The following ABCC3 variants were observed in gnomAD, a reference collection of about 807,000 sequenced individuals.
ABCC3 encodes ATP binding cassette subfamily C member 3, also known as ATP-binding cassette sub-family C member 3.
Under a neutral mutation model 165.3 loss-of-function variants are expected in ABCC3, and 121 were observed. That is an observed-to-expected ratio of 0.73 (90% CI 0.63 to 0.85). The LOEUF (loss-of-function observed/expected upper bound fraction) is 0.85, where lower values mean the gene tolerates loss of function less well. Ranked by LOEUF, ABCC3 falls within the 40% of genes least tolerant of loss-of-function variation. The pLI is 0.00. For missense variants in ABCC3, 1,869 were observed against 1,964.1 expected, an observed-to-expected ratio of 0.95 and a Z score of 0.92; for synonymous variants, 733 against 810.1, an observed-to-expected ratio of 0.90 and a Z score of 1.62.
intron 13 of ABCC3, 38 bp downstream of exon 13, chr17:50,668,047 G>T (rs908725115): frequency 2.5e-6 from 4 of 1,582,916 alleles, no homozygotes; most frequent in Non-Finnish European, 3.5e-6. Flanking sequence ...ACTGGAGTTG[G>T]AACAGGTTGT....
intron 7 of ABCC3, 134 bp from the exon 8 acceptor site, chr17:50,660,789 T>G: frequency 2.9e-6 from 2 of 689,596 alleles, no homozygotes; most frequent in Non-Finnish European, 2.4e-6. Flanking sequence ...ATGCTGTCTG[T>G]TCCCCTCCCA....
At chr17:50,680,160 T>C (rs1381519892) in intron 26 of ABCC3, among the ~76,000 whole-genome samples, 1 of 152,196 alleles carries the variant, frequency 6.6e-6, no homozygotes, top group African/African-American at 2.4e-5. Flanking sequence ...TTGCAGTGGA[T>C]GACCAGATCT....
chr17:50,687,378 C>T, intron 29 of ABCC3, 158 bp from the exon 30 acceptor site: 1 of 677,158 alleles, frequency 1.5e-6, no homozygotes, highest in Non-Finnish European at 2.5e-6. Context: ...GGTGTCCAGA[C>T]CTCTGCTCCG....
chr17:50,660,106 TCTC>T (rs1967343213), intron 7 of ABCC3, among the ~76,000 whole-genome samples: 1 of 151,972 alleles, frequency 6.6e-6, no homozygotes, highest in Non-Finnish European at 1.5e-5. Context: ...CCCCAGAGGT[TCTC>T]CTCATATCAC....
intron 10 of ABCC3, chr17:50,664,754 A>G (rs2146616562): frequency 5.7e-6 from 1 of 175,760 alleles, no homozygotes; most frequent in African/African-American, 2.4e-5. Context: ...TTCCCTAGGC[A>G]TTGGTGGGGA....
At chr17:50,643,999 G>A (rs1966941904) in intron 1 of ABCC3, among the ~76,000 whole-genome samples, 1 of 152,122 alleles carries the variant, frequency 6.6e-6, no homozygotes, top group South Asian at 2.1e-4. Flanking sequence ...AGGGCAGAGG[G>A]CTGCCCCAGA....
Position 50,675,983 on chromosome 17 carries a change from G to A in ABCC3, c.2960G>A (p.Gly987Glu), listed in dbSNP as rs899398665. Reference sequence around the variant, plus strand: ...GTGGGTCAAAGTGCGGCTGCCATTGGAGCCAATGTGTGGCTCAGTGCCTGG... The same window carrying A: ...GTGGGTCAAAGTGCGGCTGCCATTGAAGCCAATGTGTGGCTCAGTGCCTGG... ...LYVGQSAAAI[G>E]ANVWLSAWTN... is the part of the protein sequence containing the mutation. The change falls in exon 22 of 31, where the codon GGA becomes GAA. Residue 987 changes from glycine to glutamate, a missense_variant. Coordinates refer to ENST00000285238, the MANE Select transcript of ABCC3 (RefSeq NM_003786.4). 1.9e-6 allele frequency: 3 copies of A among 1,614,066 alleles called. No homozygotes were observed.
intron 1 of ABCC3, among the ~76,000 whole-genome samples, chr17:50,652,631 A>G (rs889893288): frequency 6.6e-6 from 1 of 152,040 alleles, no homozygotes; most frequent in Non-Finnish European, 1.5e-5. Context: ...AAGTTAACCC[A>G]TTTTTCCAAA....
intron 30 of ABCC3, among the ~76,000 whole-genome samples, chr17:50,689,127 A>G (rs1341967830): frequency 6.6e-6 from 1 of 152,214 alleles, no homozygotes; most frequent in Non-Finnish European, 1.5e-5. Context: ...ACTTGAACCC[A>G]GGAGGCAGAG....
intron 1 of ABCC3, among the ~76,000 whole-genome samples, chr17:50,644,129 G>A (rs1966948658): frequency 6.6e-6 from 1 of 151,628 alleles, no homozygotes; most frequent in African/African-American, 2.4e-5. Context: ...TGACCAACAC[G>A]GTGAAACCCC....
rs1967798620 is a variant in ABCC3 at position 50,676,107 on chromosome 17, G to A, written c.3067+17G>A. 13 of 1,613,832 alleles carry A rather than the reference G, an allele frequency of 8.1e-6. No individual in the cohort carries two copies. The highest frequency in any genetic ancestry group is 9.3e-6 in the Non-Finnish European group (11 of 1,179,798). On this transcript the variant is annotated intron_variant, in intron 22 of 30. Coordinates refer to ENST00000285238, the MANE Select transcript of ABCC3 (RefSeq NM_003786.4). ...TTCTGCAAGGTGAGCTTGTGGGGGTGTCCAGAAGGGGCTCCAATATCCCTT... is the reference window on the plus strand; with the variant it reads ...TTCTGCAAGGTGAGCTTGTGGGGGTATCCAGAAGGGGCTCCAATATCCCTT...
At chr17:50,687,279 G>A (rs940497920) in intron 29 of ABCC3, 3 of 464,282 alleles carry the variant, frequency 6.5e-6, no homozygotes, top group Non-Finnish European at 1.2e-5. Flanking sequence ...AGCACCGAGA[G>A]AGGAGGCCAA....
intron 1 of ABCC3, among the ~76,000 whole-genome samples, chr17:50,649,326 G>A (rs1967065492): frequency 6.6e-6 from 1 of 152,130 alleles, no homozygotes. Flanking sequence ...TATAGAAACA[G>A]CTTGATTGGC....
chr17:50,675,738 G>C lies in ABCC3; in HGVS notation c.2822G>C (p.Gly941Ala), dbSNP rs1034422305. 3 of 1,563,344 alleles carry C rather than the reference G, an allele frequency of 1.9e-6. No individual in the cohort carries two copies. Among genetic ancestry groups the C allele is most frequent in the Admixed American group, 1.9e-5 (1 of 51,748 alleles). Residue 941 changes from glycine (G) to alanine (A), a missense_variant, in exon 21 of 31, where the codon GGG becomes GCG. Gly to Ala is a moderately conservative substitution (Grantham distance 60, BLOSUM62 0). Transcript: ENST00000285238. ...CAGGTGACAGAGGCGAAGGCAGATG[G>C]GGCACTGACCCAGGAGGAGAAAGCA... ...KVQVTEAKAD[G>A]ALTQEEKAAI...
intron 1 of ABCC3, among the ~76,000 whole-genome samples, chr17:50,641,692 A>C (rs1177515632): frequency 6.6e-6 from 1 of 152,230 alleles, no homozygotes; most frequent in African/African-American, 2.4e-5. Flanking sequence ...ACTGCAGAAT[A>C]CAGAGCTAAA....
At chr17:50,687,241 C>CCG in intron 29 of ABCC3, 2 of 420,288 alleles carry the variant, frequency 4.8e-6, no homozygotes, top group Admixed American at 3.7e-5. Flanking sequence ...CATCACGGCA[C>CCG]TAGCTGAAAA....
At chr17:50,668,555 C>G (rs1967574684) in intron 14 of ABCC3, 38 bp downstream of exon 14, 2 of 1,515,316 alleles carry the variant, frequency 1.3e-6, no homozygotes, top group Non-Finnish European at 1.8e-6. Flanking sequence ...TGCCCCAGTC[C>G]TTGCTCCAGA....
rs1967793604 is a variant in ABCC3, at chr17:50,675,945, C to T, written c.2922C>T (p.Ile974=). 1 of 1,614,070 alleles carries T rather than the reference C, an allele frequency of 6.2e-7. No individual in the cohort carries two copies. Among genetic ancestry groups the T allele is most frequent in the Admixed American group, 1.7e-5 (1 of 60,016 alleles). ...TGGGGCTCTGTACCACGCTGGCCAT[C>T]TGTCTCCTGTATGTGGGTCAAAGTG... is the stretch of plus-strand genomic sequence containing the variant. The part of the protein sequence containing the change: ...KAVGLCTTLA[I]CLLYVGQSAA... Residue 974 remains isoleucine (I), a synonymous_variant, in exon 22 of 31, where the codon ATC becomes ATT. Coordinates refer to ENST00000285238, the MANE Select transcript of ABCC3 (RefSeq NM_003786.4).
intron 17 of ABCC3, among the ~76,000 whole-genome samples, chr17:50,672,334 G>T (rs1161954473): frequency 6.6e-6 from 1 of 152,212 alleles, no homozygotes; most frequent in Admixed American, 6.5e-5. Context: ...CCATGTTGTA[G>T]CATGTGTCAG....
Sources: allele counts gnomAD v4.1 joint callset (sites outside exome capture counted in the v4.1 genomes callset), GRCh38; gene constraint gnomAD v4.1.1; transcripts MANE v1.5; gene names NCBI Gene and HGNC (gene_info 2026-07-23, HGNC 2026-07-21).